Variants in SAMD4B observed in about 807,000 individuals in gnomAD.
The protein encoded by SAMD4B is sterile alpha motif domain containing 4B.
Under a neutral mutation model 74.5 loss-of-function variants are expected in SAMD4B, and 5 were observed. The observed-to-expected ratio is 0.07, with a 90% CI of 0.04 to 0.14. The LOEUF (loss-of-function observed/expected upper bound fraction) is 0.14, where lower values mean the gene tolerates loss of function less well. Ranked by LOEUF, SAMD4B falls within the 10% of genes least tolerant of loss-of-function variation. The pLI is 1.00. For missense variants in SAMD4B, 608 were observed against 921.8 expected (o/e 0.66, Z 4.41); for synonymous variants, 373 against 374.9 (o/e 1.00, Z 0.06).
downstream of SAMD4B, chr19:39,389,243 A>T (rs1274753952): frequency 1.9e-6 from 3 of 1,606,224 alleles, no homozygotes; most frequent in African/African-American, 4.0e-5. The surrounding 1 kb of genome is among the most constrained non-coding windows in gnomAD (Gnocchi z 5.3). Flanking sequence ...GGACACACCT[A>T]ATATCTCCAC....
At chr19:39,367,572 G>A (rs1321719603) in intron 3 of SAMD4B, among the ~76,000 whole-genome samples, 4 of 143,746 alleles carry the variant, frequency 2.8e-5, no homozygotes, top group Non-Finnish European at 4.5e-5. Context: ...GCAGTGGCGC[G>A]ATCTCGGCTC....
rs1480335347 is a variant in SAMD4B, at chr19:39,352,718, A to G, written c.-266-1288A>G. Among the ~76,000 whole-genome samples, 6 of 151,502 alleles carry G rather than the reference A, an allele frequency of 4.0e-5. No individual in the cohort carries two copies. In the East Asian group the frequency reaches 7.8e-4, roughly 20 times the overall value. On this transcript the variant is annotated intron_variant, in intron 1 of 13. Coordinates refer to ENST00000610417, the MANE Select transcript of SAMD4B (RefSeq NM_001384574.2). The stretch of plus-strand genomic sequence containing the variant: ...TGCTTCTATCGTTTGGCCTGGGGGG[A>G]AAAGCTGGATTAATGTTTAGTCAGC...
At position 39,380,774 on chromosome 19, in the gene SAMD4B, C is replaced by T; in HGVS notation, c.1837C>T (p.Gln613Ter). ...HALTSPSLGG[Q>*]GRQNLWFANP... ...CCTCACCAGCCCCAGCCTTGGAGGC[C>T]AGGGCCGACAGGTAAGCTGGCTGGA... Residue 613 changes from glutamine (Q) to a stop codon, truncating the protein, a stop_gained, in exon 11 of 14, where the codon CAG (glutamine) becomes TAG (stop). Transcript: ENST00000610417. LOFTEE classifies it high-confidence loss of function. 1 of 1,545,730 alleles carries T rather than the reference C, an allele frequency of 6.5e-7. No homozygotes were observed. Among genetic ancestry groups the T allele is most frequent in the East Asian group, 2.3e-5 (1 of 43,786 alleles).
chr19:39,375,948 G>A lies in SAMD4B; in HGVS notation c.907+59G>A. 6.4e-7 allele frequency: 1 copy of A among 1,571,400 alleles called. No homozygotes were observed. The highest frequency in any genetic ancestry group is 1.1e-5 in the South Asian group (1 of 88,256). On this transcript the variant is annotated intron_variant, in intron 5 of 13. Coordinates refer to ENST00000610417, the MANE Select transcript of SAMD4B (RefSeq NM_001384574.2). The surrounding 1 kb of genome is among the most constrained non-coding windows in gnomAD (Gnocchi z 4.1). ...CCAGGGGCTTCTGCAGAGCTTAGAGGACAGAAAGGAGCTTGTAGCTGACAC... is the reference window on the plus strand; with the variant it reads ...CCAGGGGCTTCTGCAGAGCTTAGAGAACAGAAAGGAGCTTGTAGCTGACAC...
At chr19:39,343,002 C>G (rs911701597) in intron 1 of SAMD4B, among the ~76,000 whole-genome samples, 6 of 151,888 alleles carry the variant, frequency 4.0e-5, no homozygotes, top group Non-Finnish European at 8.8e-5. Context: ...GCTTTCCTCG[C>G]AGACCCCCGC....
intron 11 of SAMD4B, 34 bp from the exon 12 acceptor site, chr19:39,380,956 C>T: frequency 6.3e-7 from 1 of 1,577,930 alleles, no homozygotes; most frequent in Non-Finnish European, 8.6e-7. Flanking sequence ...CTCTTCTGCA[C>T]TCACTACTTT....
chr19:39,362,619 G>A (rs1760583456), intron 3 of SAMD4B, among the ~76,000 whole-genome samples: 1 of 152,122 alleles, frequency 6.6e-6, no homozygotes, highest in South Asian at 2.1e-4. Context: ...CTGCCTCTTT[G>A]GAGCTAGAAC....
At chr19:39,367,813 TA>T (rs2145640044) in intron 3 of SAMD4B, among the ~76,000 whole-genome samples, 1 of 149,606 alleles carries the variant, frequency 6.7e-6, no homozygotes, top group East Asian at 2.1e-4. Flanking sequence ...CCAGTGCTAA[TA>T]AGGTCTTTGA....
chr19:39,382,832 C>T (rs555740497), intron 12 of SAMD4B, among the ~76,000 whole-genome samples: 1 of 152,266 alleles, frequency 6.6e-6, no homozygotes, highest in Admixed American at 6.5e-5. Context: ...AAGTACAGAG[C>T]AGGTCTTCAA....
intron 3 of SAMD4B, among the ~76,000 whole-genome samples, chr19:39,364,787 T>A (rs2076857424): frequency 6.6e-6 from 1 of 152,172 alleles, no homozygotes; most frequent in South Asian, 2.1e-4. Context: ...GATGTGGAGA[T>A]GGCCTGAAGG....
chr19:39,367,997 G>A (rs1364949901), intron 3 of SAMD4B, among the ~76,000 whole-genome samples: 2 of 151,400 alleles, frequency 1.3e-5, no homozygotes, highest in African/African-American at 4.8e-5. Context: ...GGTGGATCAC[G>A]AGGTCAGGAG....
At chr19:39,372,285 C>G (rs1280134866) in intron 4 of SAMD4B, among the ~76,000 whole-genome samples, 1 of 152,154 alleles carries the variant, frequency 6.6e-6, no homozygotes, top group Non-Finnish European at 1.5e-5. Flanking sequence ...TACCGTGTGC[C>G]TATCCCTCTG....
intron 1 of SAMD4B, chr19:39,352,391 G>C (rs1292265391): frequency 6.7e-6 from 1 of 150,190 alleles, no homozygotes; most frequent in East Asian, 2.0e-4. Flanking sequence ...CTTCTTCTGT[G>C]TAGTTGTTCA....
At chr19:39,345,830 T>C (rs2075664391) in intron 1 of SAMD4B, among the ~76,000 whole-genome samples, 1 of 152,142 alleles carries the variant, frequency 6.6e-6, no homozygotes, top group Non-Finnish European at 1.5e-5. Context: ...CTCATTCAGG[T>C]TTAGTACACC....
At chr19:39,387,344 A>C, downstream of SAMD4B, 1 of 216,860 alleles carries the variant, frequency 4.6e-6, no homozygotes, top group Non-Finnish European at 1.0e-5. Flanking sequence ...TGTTGACTGA[A>C]ACATGCAGTG....
chr19:39,352,616 A>G (rs970710215), intron 1 of SAMD4B: 1 of 152,014 alleles, frequency 6.6e-6, no homozygotes, highest in Non-Finnish European at 1.5e-5. Context: ...AACTCACCAT[A>G]GTCCCAGTTG....
Position 39,357,072 on chromosome 19 carries a change from C to T in SAMD4B, c.179C>T (p.Ser60Leu), listed in dbSNP as rs1600530847. ...TGCAATGACATCCACCTGCTGGAGT[C>T]GGAGGCCAACAGTGCTGGTGAGTTT... ...ADCNDIHLLESEANSAAIVSQ... is the reference protein window; with the variant it reads ...ADCNDIHLLELEANSAAIVSQ... The change falls in exon 3 of 14, where the codon TCG becomes TTG. Residue 60 changes from serine to leucine, a missense_variant. By Grantham distance (145) the Ser-to-Leu change is moderately radical. Coordinates refer to ENST00000610417, the MANE Select transcript of SAMD4B (RefSeq NM_001384574.2). 5.0e-6 allele frequency: 8 copies of T among 1,610,558 alleles called. No individual in the cohort carries two copies. The highest frequency in any genetic ancestry group is 1.1e-5 in the South Asian group (1 of 90,860).
intron 3 of SAMD4B, among the ~76,000 whole-genome samples, chr19:39,357,444 T>C (rs1255998682): frequency 2.0e-5 from 3 of 152,164 alleles, no homozygotes; most frequent in Non-Finnish European, 2.9e-5. Context: ...CTTCAGGATA[T>C]CAGGGCTAGG....
intron 3 of SAMD4B, among the ~76,000 whole-genome samples, chr19:39,367,800 C>T (rs116895845): frequency 0.013 from 2,005 of 151,558 alleles, 29 homozygotes; most frequent in South Asian, 0.027. Context: ...TGAGCCACCA[C>T]GCCCAGTGCT....
Sources: gnomAD v4.1 joint callset for allele counts (sites outside exome capture counted in the v4.1 genomes callset) on GRCh38, gnomAD v4.1.1 for gene constraint, Gnocchi (gnomAD v3.1) non-coding constraint, MANE v1.5 for transcripts, NCBI Gene and HGNC (gene_info 2026-07-23, HGNC 2026-07-21) for gene names.